The following LINGO2 variants were observed in gnomAD, a reference collection of about 807,000 sequenced individuals.
The protein encoded by LINGO2 is leucine-rich repeat and immunoglobulin-like domain-containing nogo receptor-interacting protein 2.
A neutral mutation model predicts 30.6 loss-of-function variants in LINGO2; 14 were observed. That is an observed-to-expected ratio of 0.46 (90% CI 0.30 to 0.72). The LOEUF (loss-of-function observed/expected upper bound fraction) is 0.72, where lower values mean the gene tolerates loss of function less well. Ranked by LOEUF, LINGO2 falls within the 30% of genes least tolerant of loss-of-function variation. The pLI is 0.07. For synonymous variants in LINGO2, 317 were observed against 288.5 expected (o/e 1.10, Z -1.00); for missense variants, 729 against 751.7 (o/e 0.97, Z 0.35).
At chr9:28,986,346 T>C in the LINGO2 span, among the ~76,000 whole-genome samples, 2 of 152,078 alleles carry the variant, frequency 1.3e-5, no homozygotes, top group African/African-American at 4.8e-5. Flanking sequence ...TATGATTGCC[T>C]TGGCTATTCA....
At chr9:28,728,611 T>C in the LINGO2 span, among the ~76,000 whole-genome samples, 1 of 152,094 alleles carries the variant, frequency 6.6e-6, no homozygotes, top group Non-Finnish European at 1.5e-5. Flanking sequence ...CTCTTACTTA[T>C]AATGGACGGA....
chr9:28,402,326 G>C (rs1822305254), intron 2 of LINGO2, among the ~76,000 whole-genome samples: 1 of 152,028 alleles, frequency 6.6e-6, no homozygotes, highest in African/African-American at 2.4e-5. Flanking sequence ...GTGTTAGTAT[G>C]TGAAAAGAGG....
chr9:28,977,285 T>C, the LINGO2 span, among the ~76,000 whole-genome samples: 1 of 152,094 alleles, frequency 6.6e-6, no homozygotes, highest in Non-Finnish European at 1.5e-5. Flanking sequence ...GAACGGCTTC[T>C]GTCCTGCATA....
At chr9:28,673,799 CA>C (rs1829115385), upstream of LINGO2, among the ~76,000 whole-genome samples, 1 of 151,756 alleles carries the variant, frequency 6.6e-6, no homozygotes, top group African/African-American at 2.4e-5. Context: ...AGACTGAGAA[CA>C]AAAACGTAAG....
At chr9:29,098,471 G>GCACA in the LINGO2 span, among the ~76,000 whole-genome samples, 1,808 of 150,318 alleles carry the variant, frequency 0.012, 24 homozygotes, top group Non-Finnish European at 0.017. Context: ...ACACATATGC[G>GCACA]CACACACACA....
At chr9:29,000,253 C>T in the LINGO2 span, among the ~76,000 whole-genome samples, 2 of 151,786 alleles carry the variant, frequency 1.3e-5, no homozygotes, top group African/African-American at 4.8e-5. Flanking sequence ...CAACTGACCC[C>T]TTATTATGTG....
At chr9:28,068,490 T>A (rs568226708) in intron 4 of LINGO2, among the ~76,000 whole-genome samples, 1 of 152,116 alleles carries the variant, frequency 6.6e-6, no homozygotes, top group African/African-American at 2.4e-5. Flanking sequence ...TACCATTACA[T>A]TGGGGGTAGA....
chr9:28,701,266 C>T, the LINGO2 span, among the ~76,000 whole-genome samples: 1 of 151,894 alleles, frequency 6.6e-6, no homozygotes, highest in African/African-American at 2.4e-5. Flanking sequence ...CCTATGTTAT[C>T]TTCTAGGATT....
intron 1 of LINGO2, among the ~76,000 whole-genome samples, chr9:28,662,482 A>AC (rs899674146): frequency 6.6e-6 from 1 of 152,098 alleles, no homozygotes; most frequent in Non-Finnish European, 1.5e-5. Context: ...TGTAGAAAAA[A>AC]CCAGTGAGAG....
intron 1 of LINGO2, among the ~76,000 whole-genome samples, chr9:28,573,262 T>A (rs2135600595): frequency 6.6e-6 from 1 of 152,284 alleles, no homozygotes; most frequent in East Asian, 1.9e-4. Context: ...CAGAAAATAA[T>A]CCAGATTATT....
intron 2 of LINGO2, among the ~76,000 whole-genome samples, chr9:28,444,416 T>C (rs922171853): frequency 1.3e-5 from 2 of 152,182 alleles, no homozygotes; most frequent in African/African-American, 4.8e-5. Flanking sequence ...GCCCATGAGT[T>C]GTGGGCCAGA....
the LINGO2 span, among the ~76,000 whole-genome samples, chr9:29,033,766 G>C: frequency 1.3e-5 from 2 of 151,836 alleles, no homozygotes; most frequent in Admixed American, 1.3e-4. Context: ...TAAAATTCTG[G>C]TTTCCTGAGA....
intron 2 of LINGO2, among the ~76,000 whole-genome samples, chr9:28,409,980 TAA>T (rs1822691977): frequency 1.5e-5 from 1 of 65,144 alleles, no homozygotes. Context: ...GGGAGAGAAA[TAA>T]AGGGAGAAGG....
the LINGO2 span, among the ~76,000 whole-genome samples, chr9:28,685,101 T>C: frequency 6.6e-4 from 100 of 152,294 alleles, no homozygotes; most frequent in Non-Finnish European, 1.1e-3. Flanking sequence ...GTTCCTGTAT[T>C]AGTTTGCTTA....
intron 4 of LINGO2, among the ~76,000 whole-genome samples, chr9:28,120,298 A>G (rs576008350): frequency 6.6e-6 from 1 of 152,320 alleles, no homozygotes; most frequent in East Asian, 1.9e-4. Flanking sequence ...CTGTCACAAT[A>G]GATGGGGACG....
rs1006512351 is a variant in LINGO2 at position 27,977,123 on chromosome 9, G to A, written c.-35-26417C>T. ...ATAATTACGTAATATTATGGAAATA[G>A]ACTCTAGGCAACATTCTAAAATTTG... is the stretch of plus-strand genomic sequence containing the variant. On this transcript the variant is annotated intron_variant, in intron 5 of 5. Transcript: ENST00000379992. 1.9e-4 allele frequency among the ~76,000 whole-genome samples: 29 copies of A among 150,952 alleles called. 1 individual carries two copies. Among genetic ancestry groups the A allele is most frequent in the South Asian group, 8.3e-4 (4 of 4,796 alleles).
chr9:28,634,674 C>T (rs915663555), intron 1 of LINGO2, among the ~76,000 whole-genome samples: 4 of 151,700 alleles, frequency 2.6e-5, no homozygotes, highest in South Asian at 2.1e-4. Flanking sequence ...TTGGTAGAAA[C>T]GGGGTTCCAT....
intron 1 of LINGO2, among the ~76,000 whole-genome samples, chr9:28,574,092 G>A (rs533416750): frequency 3.3e-5 from 5 of 152,032 alleles, no homozygotes; most frequent in African/African-American, 4.8e-5. Flanking sequence ...ATCAGACATC[G>A]AAAGAATGTA....
intron 5 of LINGO2, among the ~76,000 whole-genome samples, chr9:27,965,177 GGAAA>G (rs1234393997): frequency 6.6e-6 from 1 of 151,900 alleles, no homozygotes; most frequent in African/African-American, 2.4e-5. Flanking sequence ...CAGGAGAAGG[GGAAA>G]GAAACTTTTC....
Sources: allele counts gnomAD v4.1 joint callset (sites outside exome capture counted in the v4.1 genomes callset), GRCh38; gene constraint gnomAD v4.1.1; transcripts MANE v1.5; gene names NCBI Gene and HGNC (gene_info 2026-07-23, HGNC 2026-07-21).